CHM: variants seen among roughly 807,000 people sequenced by gnomAD.
The protein encoded by CHM is CHM Rab escort protein, also known as rab proteins geranylgeranyltransferase component A 1.
CHM carries 10 observed loss-of-function variants against 49.0 expected under a neutral mutation model. The observed-to-expected ratio is 0.20, with a 90% CI of 0.13 to 0.35. The LOEUF (loss-of-function observed/expected upper bound fraction) is 0.35. CHM is among the 10% of genes least tolerant of loss of function. The probability of loss-of-function intolerance (pLI) is 1.00; values close to 1 mark genes in which losing one functional copy is unlikely to be tolerated. For missense variants in CHM, 455 were observed against 478.4 expected (o/e 0.95, Z 0.46); for synonymous variants, 184 against 167.5 (o/e 1.10, Z -0.76).
rs1555958595 is a variant in CHM at position 85,981,206 on chromosome X, C to CTATTTATA, written c.189+530_189+531insTATAAATA. 5.5e-5 allele frequency among the ~76,000 whole-genome samples: 3 copies of CTATTTATA among 54,366 alleles called. 1 individual carries two copies. The highest frequency in any genetic ancestry group is 1.8e-4 in the African/African-American group (3 of 16,584). The allele number at this position is 54,366 out of a possible 115,157, so 47.2% of individuals were successfully genotyped here. On this transcript the variant is annotated intron_variant, in intron 3 of 14. Transcript: ENST00000357749. ...TACTCTTCAACCAACATTTCTATTT[C>CTATTTATA]TATATATATATATAGACACACATAT...
rs375843167 is a variant in CHM at position 85,917,697 on chromosome X, C to T, written c.1167-6359G>A. Among the ~76,000 whole-genome samples, 3 of 109,196 alleles carry T rather than the reference C, an allele frequency of 2.7e-5. No individual in the cohort carries two copies. The East Asian group carries it at 8.7e-4, about 32-fold the overall frequency. 94.8% of individuals were successfully genotyped at this position (109,196 alleles called of 115,157 possible). A position where few individuals can be genotyped will look rare whatever the true frequency, so the allele number is the denominator to read the frequency against. ...ATCCAAGAGTTGAAAGATGACTTAG[C>T]CATTTTAAGAAAGAACCAAACAGAA... On this transcript the variant is annotated intron_variant, in intron 8 of 14. Transcript: ENST00000357749.
intron 4 of CHM, among the ~76,000 whole-genome samples, chrX:85,978,145 A>C (rs1225699507): frequency 8.9e-6 from 1 of 111,892 alleles, no homozygotes; most frequent in Non-Finnish European, 1.9e-5. Flanking sequence ...TACTAATCCA[A>C]TTGTTTTTAA....
intron 8 of CHM, among the ~76,000 whole-genome samples, chrX:85,931,194 C>T (rs1928414266): frequency 9.0e-6 from 1 of 110,773 alleles, no homozygotes; most frequent in Admixed American, 9.6e-5. Flanking sequence ...ATCCAAATTC[C>T]TAATCATAGG....
intron 8 of CHM, among the ~76,000 whole-genome samples, chrX:85,921,685 G>T (rs1927794190): frequency 8.9e-6 from 1 of 112,269 alleles, no homozygotes; most frequent in African/African-American, 3.2e-5. Flanking sequence ...CATTCCAACA[G>T]TAAGTAGGCA....
intron 8 of CHM, among the ~76,000 whole-genome samples, chrX:85,935,952 T>C (rs1363706994): frequency 8.9e-6 from 1 of 112,146 alleles, no homozygotes; most frequent in Non-Finnish European, 1.9e-5. Flanking sequence ...TGTCCCATAA[T>C]ATTTAATTTC....
chrX:85,877,800 G>A (rs1436001264), intron 13 of CHM, among the ~76,000 whole-genome samples: 1 of 110,864 alleles, frequency 9.0e-6, no homozygotes, highest in Non-Finnish European at 1.9e-5. Flanking sequence ...CCCCCTCTAT[G>A]CACTATCTCT....
At chrX:85,887,412 C>T (rs1266489671) in intron 12 of CHM, among the ~76,000 whole-genome samples, 1 of 111,744 alleles carries the variant, frequency 8.9e-6, no homozygotes, top group African/African-American at 3.3e-5. Flanking sequence ...GCTTCCCCAG[C>T]CACGTGGAAC....
chrX:86,041,694 A>G (rs1228541377), intron 1 of CHM, among the ~76,000 whole-genome samples: 2 of 97,162 alleles, frequency 2.1e-5, no homozygotes, highest in Non-Finnish European at 4.0e-5. Flanking sequence ...GTTTATGTAT[A>G]TATATATATA....
At position 85,963,683 on chromosome X, in the gene CHM, A is replaced by G. The variant is rs1930411060; in HGVS notation, c.684T>C (p.Asn228=). The change falls in exon 5 of 15, where the codon AAT becomes AAC. Residue 228 remains asparagine, a synonymous_variant. Coordinates refer to ENST00000357749, the MANE Select transcript of CHM (RefSeq NM_000390.4). ...TACTTACCTTTGATACTAAATCAAT[A>G]TTAAATCTCCTGCCTTCTTTAATAA... ...SQIIKEGRRF[N]IDLVSKLLYS... The G allele has an allele frequency of 1.4e-5, 17 of 1,201,598 alleles. No individual in the cohort carries two copies. Among genetic ancestry groups the G allele is most frequent in the Non-Finnish European group, 1.9e-5 (17 of 887,122 alleles).
intron 8 of CHM, among the ~76,000 whole-genome samples, chrX:85,947,240 C>T (rs974170273): frequency 8.9e-6 from 1 of 111,801 alleles, no homozygotes; most frequent in Admixed American, 9.5e-5. Context: ...TAAGTTTGTA[C>T]ATTTGTCCCT....
chrX:85,969,175 C>T, intron 4 of CHM: 2 of 738,917 alleles, frequency 2.7e-6, no homozygotes, highest in South Asian at 6.8e-5. Flanking sequence ...AGTTTTCATC[C>T]TGCTTTAATA....
At chrX:85,879,982 A>C (rs1203254758) in intron 12 of CHM, among the ~76,000 whole-genome samples, 1 of 110,596 alleles carries the variant, frequency 9.0e-6, no homozygotes, top group Non-Finnish European at 1.9e-5. Flanking sequence ...AGATAGTTCA[A>C]ATTTTATCAT....
intron 9 of CHM, 97 bp downstream of exon 9, chrX:85,911,164 T>TGTGTATATATATATATATATATATGA (rs1926948717): frequency 2.7e-4 from 1 of 3,707 alleles, no homozygotes; most frequent in Non-Finnish European, 4.3e-4. Context: ...TATATATATG[T>TGTGTATATATATATATATATATATGA]ATATATATAT....
Position 85,864,832 on chromosome X carries a change from A to G in CHM, c.1771-11T>C, listed in dbSNP as rs1429502917. 2 of 1,196,842 alleles carry G rather than the reference A, an allele frequency of 1.7e-6. No individual in the cohort carries two copies. The highest frequency in any genetic ancestry group is 2.3e-6 in the Non-Finnish European group (2 of 885,813). ...GAAAAGTGTTTCAGCCTGGCCAAGGAAGAAAAGATAAAATCGTTTTTGGAA... is the reference window on the plus strand; with the variant it reads ...GAAAAGTGTTTCAGCCTGGCCAAGGGAGAAAAGATAAAATCGTTTTTGGAA... On this transcript the variant is annotated splice_polypyrimidine_tract_variant and intron_variant, in intron 14 of 14. Transcript: ENST00000357749.
rs377433778 is a variant in CHM, at chrX:85,873,083, C to T, written c.1739G>A (p.Cys580Tyr). The T allele has an allele frequency of 8.3e-7, 1 of 1,208,776 alleles. No individual in the cohort carries two copies. Among genetic ancestry groups the T allele is most frequent in the Non-Finnish European group, 1.1e-6 (1 of 893,570 alleles). Residue 580 changes from cysteine (C) to tyrosine (Y), a missense_variant, in exon 14 of 15, where the codon TGT (cysteine) becomes TAT (tyrosine). Coordinates refer to ENST00000357749, the MANE Select transcript of CHM (RefSeq NM_000390.4). Reference protein sequence around the residue: ...SNVYVCSGPDCGLGNDNAVKQ... With the variant: ...SNVYVCSGPDYGLGNDNAVKQ... ...GACTGCATTATCATTTCCTAAACCA[C>T]AATCTGGGCCAGAGCAGACATAAAC...
intron 2 of CHM, among the ~76,000 whole-genome samples, chrX:86,021,269 G>A (rs1396719768): frequency 9.6e-6 from 1 of 104,143 alleles, no homozygotes; most frequent in Admixed American, 1.1e-4. Flanking sequence ...GCATTGTTAA[G>A]AGTAGTAGAT....
At chrX:85,958,041 C>A in intron 6 of CHM, 66 bp from the exon 7 acceptor site, 1 of 1,143,221 alleles carries the variant, frequency 8.7e-7, no homozygotes, top group Non-Finnish European at 1.2e-6. Flanking sequence ...CCAAATTACA[C>A]TTTTTTCCCC....
At chrX:85,919,911 T>TG (rs922779759) in intron 8 of CHM, among the ~76,000 whole-genome samples, 4 of 108,063 alleles carry the variant, frequency 3.7e-5, no homozygotes, top group African/African-American at 1.3e-4. Flanking sequence ...TATGCCCAAG[T>TG]GAAAAAAAAA....
At chrX:85,957,727 C>A (rs1930075519) in intron 7 of CHM, 128 bp downstream of exon 7, 1 of 766,699 alleles carries the variant, frequency 1.3e-6, no homozygotes, top group Non-Finnish European at 1.8e-6. Flanking sequence ...TAATGGCTAA[C>A]CTATTGATAG....
Sources: allele counts gnomAD v4.1 joint callset (sites outside exome capture counted in the v4.1 genomes callset), GRCh38; gene constraint gnomAD v4.1.1; transcripts MANE v1.5; gene names NCBI Gene and HGNC (gene_info 2026-07-23, HGNC 2026-07-21).